TSPAN14: variants seen among roughly 807,000 people sequenced by gnomAD.
The protein encoded by TSPAN14 is tetraspanin-14.
Under a neutral mutation model 36.6 loss-of-function variants are expected in TSPAN14, and 16 were observed. That is an observed-to-expected ratio of 0.44 (90% CI 0.30 to 0.66). The LOEUF (loss-of-function observed/expected upper bound fraction) is 0.66, where lower values mean the gene tolerates loss of function less well. Ranked by LOEUF, TSPAN14 falls within the 30% of genes least tolerant of loss-of-function variation. The pLI is 0.12. For missense variants in TSPAN14, 231 were observed against 355.1 expected, an observed-to-expected ratio of 0.65 and a Z score of 2.81; for synonymous variants, 139 against 143.8, an observed-to-expected ratio of 0.97 and a Z score of 0.24.
chr10:80,512,040 G>A, intron 5 of TSPAN14, 104 bp from the exon 6 acceptor site: 2 of 1,551,732 alleles, frequency 1.3e-6, no homozygotes, highest in South Asian at 1.2e-5. Context: ...CTGCATGGTA[G>A]ATGCCGGCAG....
chr10:80,507,975 A>G (rs1486615527), intron 4 of TSPAN14, among the ~76,000 whole-genome samples: 2 of 152,120 alleles, frequency 1.3e-5, no homozygotes, highest in Non-Finnish European at 2.9e-5. Context: ...TAATTTTAAA[A>G]GCAAAACTAT....
intron 1 of TSPAN14, among the ~76,000 whole-genome samples, chr10:80,471,552 T>C (rs1382987250): frequency 1.3e-5 from 2 of 152,204 alleles, no homozygotes; most frequent in Non-Finnish European, 2.9e-5. Context: ...AGACATTTCA[T>C]GTAGACTTAG....
rs898322347 is a variant in TSPAN14 at position 80,509,652 on chromosome 10, T to C, written c.450+181T>C. ...TCTGTTCCACTTTGCCGGCTTGTGG[T>C]TGCCTGGTGGGCCAGCCCTTTCCCA... is the stretch of plus-strand genomic sequence containing the variant. On this transcript the variant is annotated intron_variant, in intron 5 of 8. Transcript: ENST00000429989. The surrounding 1 kb of genome is among the most constrained non-coding windows in gnomAD (Gnocchi z 4.7). 6 of 657,206 alleles carry C rather than the reference T, an allele frequency of 9.1e-6. No individual in the cohort carries two copies. The South Asian group carries it at 1.2e-4, about 13-fold the overall frequency. 40.7% of individuals were successfully genotyped at this position (657,206 alleles called of 1,614,324 possible).
intron 1 of TSPAN14, among the ~76,000 whole-genome samples, chr10:80,470,099 T>G (rs371210265): frequency 2.0e-5 from 3 of 151,376 alleles, no homozygotes; most frequent in Non-Finnish European, 4.4e-5. Context: ...TTTTTTTTTC[T>G]TTTTGAGACA....
chr10:80,479,368 A>G (rs1589255306), intron 1 of TSPAN14, among the ~76,000 whole-genome samples: 3 of 151,960 alleles, frequency 2.0e-5, no homozygotes, highest in South Asian at 4.2e-4. Context: ...GTCCTTGCCC[A>G]TGCCTATGTC....
chr10:80,493,808 A>G (rs557546417), intron 2 of TSPAN14, among the ~76,000 whole-genome samples: 2 of 152,274 alleles, frequency 1.3e-5, no homozygotes, highest in East Asian at 3.9e-4. Context: ...TGTGCAGAGG[A>G]AGGGAAGCTG....
At position 80,509,792 on chromosome 10, in the gene TSPAN14, C is replaced by T; in HGVS notation, c.450+321C>T. 3.2e-6 allele frequency: 1 copy of T among 312,684 alleles called. No homozygotes were observed. Among genetic ancestry groups the T allele is most frequent in the Non-Finnish European group, 6.0e-6 (1 of 165,392 alleles). The allele number at this position is 312,684 out of a possible 1,614,324, so 19.4% of individuals were successfully genotyped here. ...TCCTGCCCAATAGCCATACCAGCTG[C>T]AATCCTCCTTAGGCGCTGCATACCG... On this transcript the variant is annotated intron_variant, in intron 5 of 8. Coordinates refer to ENST00000429989, the Ensembl canonical transcript of TSPAN14. The surrounding 1 kb of genome is among the most constrained non-coding windows in gnomAD (Gnocchi z 4.7).
chr10:80,483,527 C>T (rs1199199689), intron 1 of TSPAN14, among the ~76,000 whole-genome samples: 1 of 152,104 alleles, frequency 6.6e-6, no homozygotes, highest in Non-Finnish European at 1.5e-5. Context: ...AACCATATTG[C>T]TACCAAATGG....
At chr10:80,500,565 G>A (rs573721025) in intron 2 of TSPAN14, among the ~76,000 whole-genome samples, 74 of 152,050 alleles carry the variant, frequency 4.9e-4, no homozygotes, top group Middle Eastern at 6.8e-3. Flanking sequence ...TTGACCTCAG[G>A]TGATCCGCCT....
At chr10:80,472,661 A>G (rs1266702615) in intron 1 of TSPAN14, among the ~76,000 whole-genome samples, 1 of 152,220 alleles carries the variant, frequency 6.6e-6, no homozygotes, top group Non-Finnish European at 1.5e-5. Context: ...ATTTAACTAT[A>G]CAGAACTGCT....
intron 1 of TSPAN14, among the ~76,000 whole-genome samples, chr10:80,479,145 T>G (rs1180392258): frequency 6.6e-6 from 1 of 151,968 alleles, no homozygotes; most frequent in Non-Finnish European, 1.5e-5. Flanking sequence ...GGTTGTTTGT[T>G]TTTTTCTTGT....
At chr10:80,481,654 C>A (rs1847282145) in intron 1 of TSPAN14, among the ~76,000 whole-genome samples, 1 of 152,150 alleles carries the variant, frequency 6.6e-6, no homozygotes. Flanking sequence ...ATGCGTAAAA[C>A]TGAAAAGCTG....
chr10:80,462,955 A>G (rs1213101605), intron 1 of TSPAN14: 1 of 152,220 alleles, frequency 6.6e-6, no homozygotes, highest in Non-Finnish European at 1.5e-5. Context: ...CGTCTCCTGC[A>G]TCGCCTACAT....
chr10:80,461,970 G>GC (rs1554855893), intron 1 of TSPAN14, among the ~76,000 whole-genome samples: 1 of 151,536 alleles, frequency 6.6e-6, no homozygotes, highest in Non-Finnish European at 1.5e-5. Flanking sequence ...CTGGAGTGCA[G>GC]TGGCCCTATC....
intron 1 of TSPAN14, among the ~76,000 whole-genome samples, chr10:80,479,102 G>A (rs1347381955): frequency 6.6e-6 from 1 of 152,222 alleles, no homozygotes; most frequent in East Asian, 1.9e-4. Context: ...TTTGAGAAGT[G>A]TCTGTTCATG....
chr10:80,512,055 A>T, intron 5 of TSPAN14, 89 bp from the exon 6 acceptor site: 2 of 1,576,558 alleles, frequency 1.3e-6, no homozygotes, highest in African/African-American at 2.7e-5. Flanking sequence ...CGGCAGACTT[A>T]GCCTGGCATC....
chr10:80,501,214 C>T (rs537237982), intron 2 of TSPAN14, among the ~76,000 whole-genome samples: 1 of 151,600 alleles, frequency 6.6e-6, no homozygotes, highest in East Asian at 1.9e-4. Flanking sequence ...TCAAGCAGTC[C>T]TCCCACCTCG....
intron 4 of TSPAN14, among the ~76,000 whole-genome samples, chr10:80,508,436 A>T (rs1001577434): frequency 3.9e-5 from 6 of 151,946 alleles, no homozygotes; most frequent in Non-Finnish European, 8.8e-5. Context: ...GCTTTTTCTT[A>T]CTTTGAAAGA....
intron 3 of TSPAN14, 152 bp from the exon 4 acceptor site, chr10:80,507,076 A>G: frequency 9.9e-7 from 1 of 1,007,410 alleles, no homozygotes; most frequent in Non-Finnish European, 1.4e-6. Flanking sequence ...CCCTAAGGGC[A>G]TGGATGGGGC....
Sources: allele counts gnomAD v4.1 joint callset (sites outside exome capture counted in the v4.1 genomes callset), GRCh38; gene constraint gnomAD v4.1.1; non-coding constraint Gnocchi (gnomAD v3.1); transcripts MANE v1.5; gene names NCBI Gene and HGNC (gene_info 2026-07-23, HGNC 2026-07-21).